Variants in FGD1 observed in about 807,000 individuals in gnomAD.
The protein encoded by FGD1 is FYVE, RhoGEF and PH domain containing 1, also known as FYVE, RhoGEF and PH domain-containing protein 1.
In FGD1, 12 loss-of-function variants were observed where a neutral mutation model predicts 65.0. That is an observed-to-expected ratio of 0.18 (90% CI 0.12 to 0.30). The LOEUF is 0.30. FGD1 is among the 10% of genes least tolerant of loss of function. FGD1 has a pLI of 1.00. For synonymous variants in FGD1, 333 were observed against 343.9 expected (o/e 0.97, Z 0.35); for missense variants, 542 against 837.6 (o/e 0.65, Z 4.36).
At chrX:54,476,311 C>G (rs1411709804) in intron 1 of FGD1, among the ~76,000 whole-genome samples, 1 of 109,634 alleles carries the variant, frequency 9.1e-6, no homozygotes, top group Non-Finnish European at 1.9e-5. Flanking sequence ...CCCACTGCCC[C>G]ATCCCGTCCC....
intron 1 of FGD1, among the ~76,000 whole-genome samples, chrX:54,485,027 C>A (rs1314502779): frequency 8.8e-6 from 1 of 113,132 alleles, no homozygotes; most frequent in Non-Finnish European, 1.9e-5. Context: ...GACAGAGGGG[C>A]CTGAAAGGGC....
chrX:54,456,499 G>T lies in FGD1; in HGVS notation c.1695+10C>A. 1.7e-6 allele frequency: 2 copies of T among 1,210,717 alleles called. No individual in the cohort carries two copies. Among genetic ancestry groups the T allele is most frequent in the Non-Finnish European group, 2.2e-6 (2 of 894,637 alleles). On this transcript the variant is annotated intron_variant, in intron 9 of 17. Transcript: ENST00000375135. ...GCCAAGGAAGGGCAGGGGCTAGAAGGGCCACTCACCATTTTGCGGATGGCA... is the reference window on the plus strand; with the variant it reads ...GCCAAGGAAGGGCAGGGGCTAGAAGTGCCACTCACCATTTTGCGGATGGCA...
At chrX:54,482,812 G>C (rs935350108) in intron 1 of FGD1, among the ~76,000 whole-genome samples, 1 of 111,365 alleles carries the variant, frequency 9.0e-6, no homozygotes, top group Non-Finnish European at 1.9e-5. Context: ...TCAGAAGGGA[G>C]ACAGAGACAG....
At chrX:54,466,672 C>T (rs1362264265) in intron 6 of FGD1, among the ~76,000 whole-genome samples, 2 of 111,529 alleles carry the variant, frequency 1.8e-5, no homozygotes, top group African/African-American at 6.5e-5. Context: ...CCATTCTCTG[C>T]TCTATCATAG....
chrX:54,490,903 C>T (rs186259506), intron 1 of FGD1, among the ~76,000 whole-genome samples: 158 of 111,194 alleles, frequency 1.4e-3, no homozygotes, highest in Middle Eastern at 0.014. Context: ...ATCGCTCTAA[C>T]TCAAGCTATC....
rs1569540941 is a variant in FGD1, at chrX:54,446,885, G to A, written c.2580+426C>T. Among the ~76,000 whole-genome samples, 2 of 109,622 alleles carry A rather than the reference G, an allele frequency of 1.8e-5. 1 individual carries two copies. Among genetic ancestry groups the A allele is most frequent in the Admixed American group, 2.0e-4 (2 of 10,217 alleles). On this transcript the variant is annotated intron_variant, in intron 17 of 17. Transcript: ENST00000375135. ...ACTACAGGCACACGTCACCACGCCA[G>A]GCTAATTTTTGTATTTTTAGTAGAG...
At position 54,473,990 on chromosome X, in the gene FGD1, T is replaced by A. The variant is rs774001264; in HGVS notation, c.308-2503A>T. ...CAGAGACTCCATCTCAAAAAAAAAA[T>A]ATATATATATATACAGGAAGATACA... On this transcript the variant is annotated intron_variant, in intron 1 of 17. Transcript: ENST00000375135. Among the ~76,000 whole-genome samples, 480 of 109,385 alleles carry A rather than the reference T, an allele frequency of 4.4e-3. 2 individuals are homozygous for A. The highest frequency in any genetic ancestry group is 0.013 in the African/African-American group (386 of 29,976). 95.0% of individuals were successfully genotyped at this position (109,385 alleles called of 115,157 possible). A position where few individuals can be genotyped will look rare whatever the true frequency, so the allele number is the denominator to read the frequency against.
intron 1 of FGD1, among the ~76,000 whole-genome samples, chrX:54,476,318 TC>T (rs1166991735): frequency 1.5e-4 from 16 of 106,071 alleles, no homozygotes; most frequent in Non-Finnish European, 3.1e-4. Context: ...CCCCATCCCG[TC>T]CCTACCCAGC....
chrX:54,467,358 C>CT lies in FGD1; in HGVS notation c.1340+425dup, dbSNP rs200305260. ...TTGGGCCTGATTCTTTTTTCTTTTTCTTTTTTTTTTTTTTTAAGACAGAGT... is the reference window on the plus strand; with the variant it reads ...TTGGGCCTGATTCTTTTTTCTTTTTCTTTTTTTTTTTTTTTTAAGACAGAGT... On this transcript the variant is annotated intron_variant, in intron 6 of 17. Coordinates refer to ENST00000375135, the MANE Select transcript of FGD1 (RefSeq NM_004463.3). 6.0e-3 allele frequency among the ~76,000 whole-genome samples: 577 copies of CT among 96,303 alleles called. 1 individual carries two copies. Among genetic ancestry groups the CT allele is most frequent in the African/African-American group, 0.018 (492 of 26,627 alleles). The allele number at this position is 96,303 out of a possible 115,157, so 83.6% of individuals were successfully genotyped here. A position where few individuals can be genotyped will look rare whatever the true frequency, so the allele number is the denominator to read the frequency against.
intron 8 of FGD1, among the ~76,000 whole-genome samples, chrX:54,457,813 C>CA (rs377446328): frequency 0.016 from 1,531 of 95,019 alleles, 20 homozygotes; most frequent in African/African-American, 0.044. Flanking sequence ...CAGGTATCAT[C>CA]AAAAAAAAAA....
rs745524116 is a variant in FGD1, at chrX:54,470,988, A to G, written c.482-228T>C. The stretch of plus-strand genomic sequence containing the variant: ...CATGTCACTGCACTCCAGCCTGGTG[A>G]CAGAGTGAGATTCTGTCTCAAAAAA... On this transcript the variant is annotated intron_variant, in intron 2 of 17. Coordinates refer to ENST00000375135, the MANE Select transcript of FGD1 (RefSeq NM_004463.3). Among the ~76,000 whole-genome samples the G allele has an allele frequency of 6.1e-5, 6 of 98,029 alleles. No homozygotes were observed. In the South Asian group the frequency reaches 3.0e-3, roughly 50 times the overall value. The allele number at this position is 98,029 out of a possible 115,157, so 85.1% of individuals were successfully genotyped here.
chrX:54,456,933 G>A (rs1442804817), intron 8 of FGD1, among the ~76,000 whole-genome samples: 1 of 110,643 alleles, frequency 9.0e-6, no homozygotes, highest in Admixed American at 9.7e-5. Context: ...ACCCGGCCTC[G>A]GGGCTTCTTT....
At chrX:54,470,538 A>C in intron 3 of FGD1, 45 bp downstream of exon 3, 1 of 1,186,077 alleles carries the variant, frequency 8.4e-7, no homozygotes, top group Non-Finnish European at 1.1e-6. Context: ...TTCCTGTCCC[A>C]GGCTCCCCCT....
At chrX:54,484,516 T>C (rs754061895) in intron 1 of FGD1, among the ~76,000 whole-genome samples, 9 of 111,825 alleles carry the variant, frequency 8.0e-5, no homozygotes, top group Non-Finnish European at 1.1e-4. Context: ...CCAAGTATTA[T>C]TTATTGATGC....
At position 54,495,189 on chromosome X, in the gene FGD1, T is replaced by C; in HGVS notation, c.244A>G (p.Ser82Gly). The C allele has an allele frequency of 8.4e-7, 1 of 1,188,772 alleles. No individual in the cohort carries two copies. The highest frequency in any genetic ancestry group is 1.8e-5 in the South Asian group (1 of 54,122). Reference protein sequence around the residue: ...PGHRVLPCGPSPQHHRALRFS... With the variant: ...PGHRVLPCGPGPQHHRALRFS... ...CGCAGGGCCCGGTGGTGCTGTGGACTGGGACCGCAGGGCAAGACCCGGTGG... is the reference window on the plus strand; with the variant it reads ...CGCAGGGCCCGGTGGTGCTGTGGACCGGGACCGCAGGGCAAGACCCGGTGG... The change falls in exon 1 of 18, where the codon AGT (serine) becomes GGT (glycine). Residue 82 changes from serine to glycine, a missense_variant. Ser to Gly is a moderately conservative substitution (Grantham distance 56). Coordinates refer to ENST00000375135, the MANE Select transcript of FGD1 (RefSeq NM_004463.3).
Position 54,455,760 on chromosome X carries a change from C to A in FGD1, c.1867G>T (p.Val623Leu). 8.4e-7 allele frequency: 1 copy of A among 1,185,924 alleles called. No individual in the cohort carries two copies. The highest frequency in any genetic ancestry group is 1.1e-6 in the Non-Finnish European group (1 of 881,149). The change falls in exon 11 of 18, where the codon GTG becomes TTG. Residue 623 changes from valine (V) to leucine (L), a missense_variant. Transcript: ENST00000375135. The stretch of plus-strand genomic sequence containing the variant: ...TGGCCAAGGAGCCGCAGCCTGGGCA[C>A]GCAGTAAAGGAGGCGGTCGTTGAAC... ...ILFNDRLLYC[V>L]PRLRLLGQKF...
intron 8 of FGD1, among the ~76,000 whole-genome samples, chrX:54,461,618 A>G (rs1175292897): frequency 7.5e-5 from 8 of 106,109 alleles, no homozygotes; most frequent in African/African-American, 2.7e-4. Context: ...AAAAAAAAAA[A>G]AAAAAAAAGA....
chrX:54,487,633 T>C (rs1923308470), intron 1 of FGD1, among the ~76,000 whole-genome samples: 1 of 112,223 alleles, frequency 8.9e-6, no homozygotes, highest in African/African-American at 3.2e-5. Flanking sequence ...AGTGTCCAAA[T>C]AGCCAAGGCA....
intron 1 of FGD1, among the ~76,000 whole-genome samples, chrX:54,485,045 G>A (rs1458801438): frequency 2.6e-5 from 3 of 113,221 alleles, no homozygotes; most frequent in Middle Eastern, 4.6e-3. Flanking sequence ...GGCCAAGAGC[G>A]GACTGCCAGC....
Sources: allele counts gnomAD v4.1 joint callset (sites outside exome capture counted in the v4.1 genomes callset), GRCh38; gene constraint gnomAD v4.1.1; transcripts MANE v1.5; gene names NCBI Gene and HGNC (gene_info 2026-07-23, HGNC 2026-07-21).